NBEA: variants seen among roughly 807,000 people sequenced by gnomAD.
The protein encoded by NBEA is lysosomal-trafficking regulator 2.
In NBEA, 44 loss-of-function variants were observed where a neutral mutation model predicts 343.4. The ratio of observed to expected loss-of-function variants is 0.13; its 90% CI spans 0.10 to 0.16. The LOEUF (loss-of-function observed/expected upper bound fraction) is 0.16. Among genes scored for constraint, NBEA ranks in the 10% least tolerant of loss-of-function variants. The probability of loss-of-function intolerance (pLI) is 1.00; values close to 1 mark genes in which losing one functional copy is unlikely to be tolerated. For missense variants in NBEA, 2,555 were observed against 3,631.3 expected (o/e 0.70, Z 7.62); for synonymous variants, 1,175 against 1,238.7 (o/e 0.95, Z 1.08).
At chr13:35,442,429 G>A (rs1053041850) in intron 39 of NBEA, among the ~76,000 whole-genome samples, 8 of 151,952 alleles carry the variant, frequency 5.3e-5, no homozygotes, top group African/African-American at 1.7e-4. Flanking sequence ...AAATCCTGTC[G>A]AGTAATATCC....
At chr13:35,631,457 T>C (rs1450049972) in intron 49 of NBEA, among the ~76,000 whole-genome samples, 1 of 152,076 alleles carries the variant, frequency 6.6e-6, no homozygotes, top group Non-Finnish European at 1.5e-5. Context: ...TTTGATAATG[T>C]TTATCTTAGT....
intron 8 of NBEA, among the ~76,000 whole-genome samples, chr13:35,061,529 CTAGA>C (rs1330663906): frequency 2.0e-5 from 3 of 151,596 alleles, no homozygotes; most frequent in African/African-American, 7.3e-5. Flanking sequence ...ATAGTTATTA[CTAGA>C]TATTTTCTCA....
intron 7 of NBEA, among the ~76,000 whole-genome samples, chr13:35,056,808 T>C (rs1566219278): frequency 1.3e-5 from 2 of 152,142 alleles, no homozygotes; most frequent in Non-Finnish European, 2.9e-5. Context: ...AGCTTAAAAA[T>C]CCTTGGAAGG....
chr13:35,122,273 A>G (rs927629000), intron 16 of NBEA, among the ~76,000 whole-genome samples: 1 of 152,136 alleles, frequency 6.6e-6, no homozygotes, highest in Non-Finnish European at 1.5e-5. Flanking sequence ...ATGCACACGT[A>G]TGTTTATTGT....
intron 17 of NBEA, among the ~76,000 whole-genome samples, chr13:35,128,054 G>A (rs2067219115): frequency 7.5e-6 from 1 of 133,228 alleles, no homozygotes; most frequent in African/African-American, 2.8e-5. Flanking sequence ...GATGAGTAAA[G>A]TTTTATTATA....
intron 36 of NBEA, among the ~76,000 whole-genome samples, chr13:35,328,907 A>G (rs754434321): frequency 1.3e-5 from 2 of 151,872 alleles, no homozygotes; most frequent in Non-Finnish European, 2.9e-5. Context: ...TTTGAGACTT[A>G]TTCTAAAACT....
chr13:35,352,937 A>AT, intron 38 of NBEA, among the ~76,000 whole-genome samples: 1 of 152,126 alleles, frequency 6.6e-6, no homozygotes, highest in South Asian at 2.1e-4. Flanking sequence ...TGTTGTTGTT[A>AT]TCTATACAAT....
At chr13:35,409,789 G>A (rs922250630) in intron 38 of NBEA, among the ~76,000 whole-genome samples, 7 of 151,764 alleles carry the variant, frequency 4.6e-5, no homozygotes, top group South Asian at 2.1e-4. Context: ...AGAGAGGGCC[G>A]CAGCTTAACA....
intron 1 of NBEA, among the ~76,000 whole-genome samples, chr13:34,965,663 C>T (rs993902695): frequency 3.3e-5 from 5 of 151,932 alleles, no homozygotes; most frequent in East Asian, 1.9e-4. Flanking sequence ...GTTTAACTCA[C>T]ATCTATCTCT....
At chr13:35,194,648 A>G (rs1356838193) in intron 30 of NBEA, among the ~76,000 whole-genome samples, 1 of 152,088 alleles carries the variant, frequency 6.6e-6, no homozygotes. Flanking sequence ...TACTTTATTC[A>G]AAACGATTAA....
chr13:35,228,374 CT>C (rs376741335), intron 33 of NBEA, among the ~76,000 whole-genome samples: 23,441 of 143,424 alleles, frequency 0.16, 1,873 homozygotes, highest in African/African-American at 0.2. Flanking sequence ...AAGTAATTCT[CT>C]TTTTTTTTTT....
intron 41 of NBEA, among the ~76,000 whole-genome samples, chr13:35,479,999 C>G (rs2076055562): frequency 7.0e-6 from 1 of 143,578 alleles, no homozygotes; most frequent in African/African-American, 2.6e-5. Flanking sequence ...GCCTAACTGA[C>G]TTTTACATTG....
rs539396486 is a variant in NBEA, at chr13:35,287,031, A to G, written c.5777-3358A>G. Among the ~76,000 whole-genome samples, 4 of 152,128 alleles carry G rather than the reference A, an allele frequency of 2.6e-5. No individual in the cohort carries two copies. The South Asian group carries it at 8.3e-4, about 32-fold the overall frequency. ...AGCTGACTTCATCTTTCAACAATAT[A>G]GTTCATAATATATTCAAAAGCACTT... On this transcript the variant is annotated intron_variant, in intron 34 of 58. Transcript: ENST00000379939.
At chr13:35,009,589 T>C (rs2061419166) in intron 1 of NBEA, among the ~76,000 whole-genome samples, 1 of 152,176 alleles carries the variant, frequency 6.6e-6, no homozygotes. Context: ...GTTGGACAGA[T>C]CATGTAGAGT....
At chr13:34,959,513 A>G (rs2059595007) in intron 1 of NBEA, among the ~76,000 whole-genome samples, 1 of 152,072 alleles carries the variant, frequency 6.6e-6, no homozygotes, top group Non-Finnish European at 1.5e-5. Flanking sequence ...AACTATTAAC[A>G]GTTTCTCATC....
chr13:35,306,697 C>T (rs552168565), intron 35 of NBEA, among the ~76,000 whole-genome samples: 47 of 152,046 alleles, frequency 3.1e-4, no homozygotes, highest in African/African-American at 1.0e-3. Context: ...TTAAAGGGTC[C>T]TTTCTCTTTC....
intron 38 of NBEA, among the ~76,000 whole-genome samples, chr13:35,385,254 T>G (rs1209053036): frequency 6.6e-6 from 1 of 152,194 alleles, no homozygotes; most frequent in Non-Finnish European, 1.5e-5. Context: ...GGTAAAGGTT[T>G]TAAAATTTTT....
intron 39 of NBEA, among the ~76,000 whole-genome samples, chr13:35,451,136 T>C (rs984659540): frequency 6.6e-6 from 1 of 152,200 alleles, no homozygotes; most frequent in Non-Finnish European, 1.5e-5. Context: ...TGTTTGTTTG[T>C]TTGTTGAGAG....
intron 17 of NBEA, among the ~76,000 whole-genome samples, chr13:35,127,016 A>G (rs1259471517): frequency 3.9e-5 from 6 of 152,194 alleles, no homozygotes; most frequent in South Asian, 2.1e-4. Flanking sequence ...ATTTAAATCT[A>G]TAATTCAGTG....
Sources: allele counts gnomAD v4.1 joint callset (sites outside exome capture counted in the v4.1 genomes callset), GRCh38; gene constraint gnomAD v4.1.1; transcripts MANE v1.5; gene names NCBI Gene and HGNC (gene_info 2026-07-23, HGNC 2026-07-21).